The following BAP1 variants were observed in gnomAD, a reference collection of about 807,000 sequenced individuals.
BAP1 encodes ubiquitin carboxyl-terminal hydrolase BAP1.
In BAP1, 16 loss-of-function variants were observed where a neutral mutation model predicts 77.2. That is an observed-to-expected ratio of 0.21 (90% confidence interval 0.14 to 0.31). The LOEUF is 0.31. BAP1 is among the 10% of genes least tolerant of loss of function. The pLI is 1.00. For synonymous variants in BAP1, 362 were observed against 385.2 expected (o/e 0.94, Z 0.71); for missense variants, 699 against 967.3 (o/e 0.72, Z 3.68).
Position 52,406,436 on chromosome 3 carries a change from G to A in BAP1, c.660-60C>T, listed in dbSNP as rs1705160594. ...CGCCCCGGCCCCGCCATCAGGTTGA[G>A]GCAGATATCCTGGCAGGGCTCCCTG... On this transcript the variant is annotated intron_variant, in intron 8 of 16. Coordinates refer to ENST00000460680, the MANE Select transcript of BAP1 (RefSeq NM_004656.4). The surrounding 1 kb of genome is among the most constrained non-coding windows in gnomAD (Gnocchi z 4.6). 1.2e-6 allele frequency: 2 copies of A among 1,605,702 alleles called. No homozygotes were observed. The highest frequency in any genetic ancestry group is 2.2e-5 in the East Asian group (1 of 44,852).
chr3:52,408,655 A>G (rs1223444471), intron 3 of BAP1, 49 bp from the exon 4 acceptor site: 1 of 1,580,556 alleles, frequency 6.3e-7, no homozygotes, highest in Non-Finnish European at 8.6e-7. Context: ...GGAGAAGACA[A>G]TCAGCATTCC....
chr3:52,407,158 A>T lies in BAP1; in HGVS notation c.580+16T>A, dbSNP rs2153227756. On this transcript the variant is annotated intron_variant, in intron 7 of 16. Transcript: ENST00000460680. ...AGGCAGAGACACCCAACAGGCCTCC[A>T]GCTCATGGTGCCTACCATGGTCAAT... 6.2e-7 allele frequency: 1 copy of T among 1,613,578 alleles called. No homozygotes were observed. Among genetic ancestry groups the T allele is most frequent in the Middle Eastern group, 1.7e-4 (1 of 5,756 alleles).
intron 10 of BAP1, chr3:52,405,546 G>A (rs1263195511): frequency 5.8e-6 from 4 of 684,750 alleles, no homozygotes; most frequent in Admixed American, 6.0e-5. Context: ...AACAAGAAAG[G>A]GAGTGTACAT....
chr3:52,404,773 C>T (rs1030484853), intron 11 of BAP1, among the ~76,000 whole-genome samples, 187 bp from the exon 12 acceptor site: 18 of 152,294 alleles, frequency 1.2e-4, no homozygotes, highest in African/African-American at 2.6e-4. Flanking sequence ...TAGAACCCCA[C>T]GGAGGGGTTT....
chr3:52,407,568 AG>A, intron 5 of BAP1, 108 bp from the exon 6 acceptor site: 1 of 1,477,190 alleles, frequency 6.8e-7, no homozygotes, highest in East Asian at 2.3e-5. Context: ...AGGAATCGGA[AG>A]GAACACAGAC....
Position 52,406,321 on chromosome 3 carries a change from T to A in BAP1, c.715A>T (p.Ile239Phe). ...NLMAVVPDRR[I>F]KYEARLHVLK... ...ACATGCAGCCTGGCCTCATACTTGA[T>A]CCTGCGGTCGGGCACCACTGCCATC... Residue 239 changes from isoleucine to phenylalanine, a missense_variant, in exon 9 of 17, where the codon ATC becomes TTC. By Grantham distance (21) the Ile-to-Phe change is conservative. Transcript: ENST00000460680. The surrounding 1 kb of genome is among the most constrained non-coding windows in gnomAD (Gnocchi z 4.6). 6.2e-7 allele frequency: 1 copy of A among 1,614,202 alleles called. No homozygotes were observed. The highest frequency in any genetic ancestry group is 1.1e-5 in the South Asian group (1 of 91,088).
intron 10 of BAP1, 115 bp downstream of exon 10, chr3:52,405,650 G>A: frequency 1.3e-6 from 2 of 1,493,332 alleles, no homozygotes; most frequent in South Asian, 1.2e-5. Context: ...TTCTGACGGG[G>A]GAAGAACACT....
In BAP1 at chr3:52,403,338, A is replaced by G. The variant is rs1166201476; in HGVS notation, c.1730-40T>C. On this transcript the variant is annotated intron_variant, in intron 13 of 16. Coordinates refer to ENST00000460680, the MANE Select transcript of BAP1 (RefSeq NM_004656.4). This position sits in a 1 kb window ranked among gnomAD's most constrained non-coding sequence, Gnocchi z 4.0. Reference sequence around the variant, plus strand: ...CACAAGAAAATCATCAGAGTGCAGGACACTTTGTGGTCACTTGGCCACTTC... The same window carrying G: ...CACAAGAAAATCATCAGAGTGCAGGGCACTTTGTGGTCACTTGGCCACTTC... The G allele has an allele frequency of 3.1e-6, 5 of 1,612,698 alleles. No homozygotes were observed. The highest frequency in any genetic ancestry group is 4.2e-6 in the Non-Finnish European group (5 of 1,179,828).
rs1553644677 is a variant in BAP1, at chr3:52,402,866, C to G, written c.1896G>C (p.Leu632=). 1 of 1,614,186 alleles carries G rather than the reference C, an allele frequency of 6.2e-7. No individual in the cohort carries two copies. The highest frequency in any genetic ancestry group is 8.5e-7 in the Non-Finnish European group (1 of 1,180,034). The change falls in exon 15 of 17, where the codon CTG becomes CTC. Residue 632 remains leucine (L), a synonymous_variant. Transcript: ENST00000460680. The surrounding 1 kb of genome is among the most constrained non-coding windows in gnomAD (Gnocchi z 5.3). Reference sequence around the variant, plus strand: ...CCTCCACACACTTCAGCAGTGCCAGCAGCTCCTGCCAAAACCCAGCATTGC... The same window carrying G: ...CCTCCACACACTTCAGCAGTGCCAGGAGCTCCTGCCAAAACCCAGCATTGC... ...LSGEKYSPKE[L]LALLKCVEAE... is the part of the protein sequence containing the mutation.
chr3:52,402,650 T>C lies in BAP1; in HGVS notation c.2008A>G (p.Asn670Asp), dbSNP rs2153226211. 6.2e-7 allele frequency: 1 copy of C among 1,614,190 alleles called. No homozygotes were observed. Among genetic ancestry groups the C allele is most frequent in the Non-Finnish European group, 8.5e-7 (1 of 1,180,030 alleles). Residue 670 changes from asparagine to aspartate, a missense_variant, in exon 16 of 17, where the codon AAC (asparagine) becomes GAC (aspartate). Transcript: ENST00000460680. The surrounding 1 kb of genome is among the most constrained non-coding windows in gnomAD (Gnocchi z 5.3). ...FKIDDQRRTH[N>D]YDEFICTFIS... Reference sequence around the variant, plus strand: ...AAGGTGCAGATGAACTCATCGTAGTTGTGGGTCCTTCTCTGGTCATCAATC... The same window carrying C: ...AAGGTGCAGATGAACTCATCGTAGTCGTGGGTCCTTCTCTGGTCATCAATC...
rs769767826 is a variant in BAP1 at position 52,407,475 on chromosome 3, A to G, written c.376-15T>C. ...TATCCTTTGCTCTACGGGGAAGAAA[A>G]TAAGGCCGTATCAGAATAATTTCTC... On this transcript the variant is annotated splice_polypyrimidine_tract_variant and intron_variant, in intron 5 of 16. Transcript: ENST00000460680. The G allele has an allele frequency of 1.4e-5, 22 of 1,614,168 alleles. 1 individual carries two copies. In the South Asian group the frequency reaches 2.3e-4, roughly 17 times the overall value.
rs1291305904 is a variant in BAP1 at position 52,402,117 on chromosome 3, A to G, written c.*171T>C. 1 of 1,181,960 alleles carries G rather than the reference A, an allele frequency of 8.5e-7. No individual in the cohort carries two copies. Among genetic ancestry groups the G allele is most frequent in the Non-Finnish European group, 1.2e-6 (1 of 850,642 alleles). 73.2% of individuals were successfully genotyped at this position (1,181,960 alleles called of 1,614,324 possible). On this transcript the variant is annotated 3_prime_UTR_variant, in exon 17 of 17. Coordinates refer to ENST00000460680, the MANE Select transcript of BAP1 (RefSeq NM_004656.4). This position sits in a 1 kb window ranked among gnomAD's most constrained non-coding sequence, Gnocchi z 5.3. Reference sequence around the variant, plus strand: ...CACTATGGGGCTGATCTGCCGTGTCAGGCCTCAGGGCACGATGGAAGGAAT... The same window carrying G: ...CACTATGGGGCTGATCTGCCGTGTCGGGCCTCAGGGCACGATGGAAGGAAT...
chr3:52,409,756 A>G lies in BAP1; in HGVS notation c.38-13T>C, dbSNP rs1559593177. 4 of 1,613,686 alleles carry G rather than the reference A, an allele frequency of 2.5e-6. No homozygotes were observed. Among genetic ancestry groups the G allele is most frequent in the Non-Finnish European group, 3.4e-6 (4 of 1,179,932 alleles). ...AGGGTGAAGAGGCCTGGGTGGGGCG[A>G]CAAGAGGAGGGGGTGATGGTCAGGC... is the stretch of plus-strand genomic sequence containing the variant. On this transcript the variant is annotated splice_polypyrimidine_tract_variant and intron_variant, in intron 1 of 16. Transcript: ENST00000460680.
intron 3 of BAP1, 134 bp downstream of exon 3, chr3:52,409,420 G>A: frequency 8.1e-7 from 1 of 1,231,698 alleles, no homozygotes; most frequent in Non-Finnish European, 1.2e-6. Context: ...GGCACTCAGA[G>A]AGCAAGGCTG....
intron 3 of BAP1, among the ~76,000 whole-genome samples, chr3:52,408,963 G>A (rs1705258871): frequency 6.6e-6 from 1 of 152,224 alleles, no homozygotes; most frequent in Admixed American, 6.5e-5. Context: ...CTCTGATGAG[G>A]AACTGAGGCA....
chr3:52,405,380 T>G (rs1705118214), intron 10 of BAP1, 86 bp from the exon 11 acceptor site: 1 of 1,549,202 alleles, frequency 6.5e-7, no homozygotes. Flanking sequence ...GAACCAGCAC[T>G]TCCCAGAGAA....
chr3:52,408,663 T>C, intron 3 of BAP1, 57 bp from the exon 4 acceptor site: 1 of 1,563,870 alleles, frequency 6.4e-7, no homozygotes, highest in South Asian at 1.2e-5. Context: ...CAATCAGCAT[T>C]CCCTTCTTTC....
rs1705043510 is a variant in BAP1 at position 52,403,586 on chromosome 3, G to A, written c.1559C>T (p.Ser520Phe). The A allele has an allele frequency of 6.2e-7, 1 of 1,614,180 alleles. No homozygotes were observed. The highest frequency in any genetic ancestry group is 8.5e-7 in the Non-Finnish European group (1 of 1,180,018). ...PIRSANPTRPSSPVTSHISKV... is the reference protein window; with the variant it reads ...PIRSANPTRPFSPVTSHISKV... ...GGAGATGTGGGAGGTGACAGGGCTG[G>A]AGGGCCGCGTCGGGTTGGCTGAGCG... The change falls in exon 13 of 17, where the codon TCC (serine) becomes TTC (phenylalanine). Residue 520 changes from serine to phenylalanine, a missense_variant. Around this residue, in one of 3 missense-constraint regions of BAP1, gnomAD observed 475 missense variants for 532.4 expected, o/e 0.89. Transcript: ENST00000460680. The surrounding 1 kb of genome is among the most constrained non-coding windows in gnomAD (Gnocchi z 4.0).
rs754576458 is a variant in BAP1 at position 52,406,913 on chromosome 3, G to A, written c.581-6C>T. ...CTCGTCCTCCCCCCAGGGCCCTAGT[G>A]GAGACCAAGACAAGGAATCAGCGAG... On this transcript the variant is annotated splice_region_variant and splice_polypyrimidine_tract_variant and intron_variant, in intron 7 of 16. Transcript: ENST00000460680. The surrounding 1 kb of genome is among the most constrained non-coding windows in gnomAD (Gnocchi z 4.6). The A allele has an allele frequency of 1.6e-5, 25 of 1,569,882 alleles. No individual in the cohort carries two copies. The highest frequency in any genetic ancestry group is 2.2e-5 in the Non-Finnish European group (25 of 1,156,604).
Sources: gnomAD v4.1 joint callset for allele counts (sites outside exome capture counted in the v4.1 genomes callset) on GRCh38, gnomAD v4.1.1 for gene constraint, gnomAD v4.1.1 regional missense constraint, Gnocchi (gnomAD v3.1) non-coding constraint, MANE v1.5 for transcripts, NCBI Gene and HGNC (gene_info 2026-07-23, HGNC 2026-07-21) for gene names.